The following TCF7L1 variants were observed in gnomAD, a reference collection of about 807,000 sequenced individuals.
TCF7L1 encodes the protein transcription factor 7-like 1.
A neutral mutation model predicts 63.7 loss-of-function variants in TCF7L1; 18 were observed. The ratio of observed to expected loss-of-function variants is 0.28; its 90% confidence interval spans 0.20 to 0.42. The LOEUF is 0.42. Among genes scored for constraint, TCF7L1 ranks in the 10% least tolerant of loss-of-function variants. The pLI, the probability that TCF7L1 is intolerant of heterozygous loss-of-function variation, is 1.00. For synonymous variants in TCF7L1, 355 were observed against 340.9 expected (o/e 1.04, Z -0.46); for missense variants, 654 against 779.3 (o/e 0.84, Z 1.91).
At chr2:85,188,499 A>G (rs1678979026) in intron 3 of TCF7L1, among the ~76,000 whole-genome samples, 1 of 152,252 alleles carries the variant, frequency 6.6e-6, no homozygotes, top group South Asian at 2.1e-4. Context: ...TGTTTATGTC[A>G]CATCAAGAAT....
chr2:85,231,874 A>C (rs1680087948), intron 3 of TCF7L1, among the ~76,000 whole-genome samples: 1 of 151,686 alleles, frequency 6.6e-6, no homozygotes, highest in South Asian at 2.1e-4. Context: ...GTAGGTTTAG[A>C]TCCCACCCTG....
chr2:85,284,801 C>T (rs1014419791), intron 4 of TCF7L1, among the ~76,000 whole-genome samples: 4 of 152,186 alleles, frequency 2.6e-5, no homozygotes, highest in African/African-American at 9.7e-5. Flanking sequence ...AGTTTAATTA[C>T]AGAAAATTTT....
chr2:85,291,025 C>T (rs1681702943), intron 4 of TCF7L1, among the ~76,000 whole-genome samples: 1 of 152,228 alleles, frequency 6.6e-6, no homozygotes, highest in African/African-American at 2.4e-5. Context: ...GTAGCCCATT[C>T]TGTAGAAGTC....
chr2:85,147,372 G>A (rs1012879966), intron 3 of TCF7L1, among the ~76,000 whole-genome samples: 1 of 152,036 alleles, frequency 6.6e-6, no homozygotes, highest in Admixed American at 6.6e-5. Flanking sequence ...GATTGCTTGT[G>A]TGTCCCCCTC....
At chr2:85,265,971 A>G (rs995711998) in intron 3 of TCF7L1, among the ~76,000 whole-genome samples, 3 of 152,218 alleles carry the variant, frequency 2.0e-5, no homozygotes, top group Admixed American at 6.5e-5. Context: ...ACACATACAT[A>G]AAGATACCTG....
intron 3 of TCF7L1, among the ~76,000 whole-genome samples, chr2:85,178,412 C>T (rs1056770188): frequency 6.6e-6 from 1 of 152,154 alleles, no homozygotes; most frequent in Non-Finnish European, 1.5e-5. Context: ...CTCTTTCCTT[C>T]CATCTATCTC....
At chr2:85,237,804 C>T (rs1322609500) in intron 3 of TCF7L1, among the ~76,000 whole-genome samples, 4 of 151,402 alleles carry the variant, frequency 2.6e-5, no homozygotes, top group African/African-American at 9.7e-5. Flanking sequence ...GCTGCCAAAT[C>T]AGGCAGGGTC....
chr2:85,243,161 A>G (rs1333624502), intron 3 of TCF7L1, among the ~76,000 whole-genome samples: 2 of 152,200 alleles, frequency 1.3e-5, no homozygotes, highest in African/African-American at 4.8e-5. Flanking sequence ...CAGTTTCGAA[A>G]GAACTAATTC....
At chr2:85,303,762 C>T in intron 5 of TCF7L1, 133 bp from the exon 6 acceptor site, 2 of 646,916 alleles carry the variant, frequency 3.1e-6, no homozygotes, top group Non-Finnish European at 5.4e-6. Flanking sequence ...TGACAGAGGG[C>T]AAGGACAATG....
intron 3 of TCF7L1, among the ~76,000 whole-genome samples, chr2:85,157,186 G>A (rs1678169500): frequency 6.6e-6 from 1 of 152,214 alleles, no homozygotes; most frequent in Non-Finnish European, 1.5e-5. Flanking sequence ...GGCTCAGAGA[G>A]GTGAACAGTG....
chr2:85,213,152 T>A (rs904271391), intron 3 of TCF7L1, among the ~76,000 whole-genome samples: 1 of 25,740 alleles, frequency 3.9e-5, no homozygotes, highest in Non-Finnish European at 7.9e-5. Context: ...GTGGCTGGGG[T>A]GGGGGGAGGG....
At position 85,168,956 on chromosome 2, in the gene TCF7L1, G is replaced by A. The variant is rs117630365; in HGVS notation, c.441+34506G>A. On this transcript the variant is annotated intron_variant, in intron 3 of 11. Transcript: ENST00000282111. The stretch of plus-strand genomic sequence containing the variant: ...TTTTGAAACTAAACTTGTGGCAGGA[G>A]GACAGGGTTGCTGCAATCCCAGGAC... Among the ~76,000 whole-genome samples, 51 of 152,286 alleles carry A rather than the reference G, an allele frequency of 3.3e-4. No homozygotes were observed. In the East Asian group the frequency reaches 9.8e-3, roughly 29 times the overall value.
At chr2:85,161,212 A>G (rs1678281378) in intron 3 of TCF7L1, among the ~76,000 whole-genome samples, 1 of 152,190 alleles carries the variant, frequency 6.6e-6, no homozygotes. Context: ...GATAACTTGC[A>G]GTTGCCCAAT....
intron 3 of TCF7L1, among the ~76,000 whole-genome samples, chr2:85,225,757 A>G (rs1435578790): frequency 1.3e-5 from 2 of 152,220 alleles, no homozygotes; most frequent in Non-Finnish European, 2.9e-5. Context: ...TTCCTAATTG[A>G]ATACCCTTTA....
Position 85,133,765 on chromosome 2 carries a change from C to A in TCF7L1, c.81C>A (p.Gly27=), listed in dbSNP as rs1216224333. ...GGGGSSAGAA[G]GGDDLGANDE... Reference sequence around the variant, plus strand: ...GCGGCTCCAGCGCCGGGGCGGCCGGCGGAGGGGACGACCTCGGGGCGAACG... The same window carrying A: ...GCGGCTCCAGCGCCGGGGCGGCCGGAGGAGGGGACGACCTCGGGGCGAACG... The change falls in exon 1 of 12, where the codon GGC becomes GGA. Residue 27 remains glycine, a synonymous_variant. Coordinates refer to ENST00000282111, the MANE Select transcript of TCF7L1 (RefSeq NM_031283.3). This position sits in a 1 kb window ranked among gnomAD's most constrained non-coding sequence, Gnocchi z 4.4. 1.6e-6 allele frequency: 2 copies of A among 1,245,672 alleles called. No individual in the cohort carries two copies. The highest frequency in any genetic ancestry group is 1.0e-6 in the Non-Finnish European group (1 of 993,512). The allele number at this position is 1,245,672 out of a possible 1,614,324, so 77.2% of individuals were successfully genotyped here.
At chr2:85,207,341 G>A (rs565995265) in intron 3 of TCF7L1, among the ~76,000 whole-genome samples, 11 of 152,146 alleles carry the variant, frequency 7.2e-5, no homozygotes, top group South Asian at 6.2e-4. Flanking sequence ...ACCAAGCTCC[G>A]TCCACTGCAC....
intron 3 of TCF7L1, among the ~76,000 whole-genome samples, chr2:85,176,121 G>A (rs76415850): frequency 6.6e-6 from 1 of 152,228 alleles, no homozygotes; most frequent in African/African-American, 2.4e-5. Flanking sequence ...GATGATATTT[G>A]TAGGGCATAC....
At chr2:85,203,130 C>T (rs1409086201) in intron 3 of TCF7L1, among the ~76,000 whole-genome samples, 2 of 152,140 alleles carry the variant, frequency 1.3e-5, no homozygotes, top group Non-Finnish European at 1.5e-5. Flanking sequence ...CCACCGCGCC[C>T]GCCCAGTACC....
At chr2:85,162,934 A>T (rs888223912) in intron 3 of TCF7L1, among the ~76,000 whole-genome samples, 4 of 152,060 alleles carry the variant, frequency 2.6e-5, no homozygotes, top group African/African-American at 9.7e-5. Flanking sequence ...ACTCATCCAC[A>T]CATAGCCAGT....
Sources: gnomAD v4.1 joint callset for allele counts (sites outside exome capture counted in the v4.1 genomes callset) on GRCh38, gnomAD v4.1.1 for gene constraint, Gnocchi (gnomAD v3.1) non-coding constraint, MANE v1.5 for transcripts, NCBI Gene and HGNC (gene_info 2026-07-23, HGNC 2026-07-21) for gene names.